ILDR2: variants seen among roughly 807,000 people sequenced by gnomAD.
ILDR2 encodes the protein immunoglobulin-like domain-containing receptor 2.
ILDR2 carries 25 observed loss-of-function variants against 66.8 expected under a neutral mutation model. The observed-to-expected ratio is 0.37, with a 90% CI of 0.27 to 0.52. The LOEUF is 0.52. ILDR2 is among the 20% of genes least tolerant of loss of function. The pLI, the probability that ILDR2 is intolerant of heterozygous loss-of-function variation, is 0.88. For missense variants in ILDR2, 827 were observed against 876.8 expected (o/e 0.94, Z 0.72); for synonymous variants, 367 against 357.2 (o/e 1.03, Z -0.31).
chr1:166,929,533 T>C (rs1289822325), intron 6 of ILDR2, among the ~76,000 whole-genome samples: 1 of 152,230 alleles, frequency 6.6e-6, no homozygotes. Context: ...TAAAAAATGT[T>C]CGTTGCATTG....
Position 166,936,540 on chromosome 1 carries a change from G to A in ILDR2, c.703+51C>T. ...AGCGCACACAGCTGTCAGGTAGAGAGGTAGACATTTCTCTCGATCGCTCTG... is the reference window on the plus strand; with the variant it reads ...AGCGCACACAGCTGTCAGGTAGAGAAGTAGACATTTCTCTCGATCGCTCTG... On this transcript the variant is annotated intron_variant, in intron 5 of 9. Coordinates refer to ENST00000271417, the MANE Select transcript of ILDR2 (RefSeq NM_199351.3). The surrounding 1 kb of genome is among the most constrained non-coding windows in gnomAD (Gnocchi z 5.0). 1 of 1,612,516 alleles carries A rather than the reference G, an allele frequency of 6.2e-7. No individual in the cohort carries two copies. Among genetic ancestry groups the A allele is most frequent in the Non-Finnish European group, 8.5e-7 (1 of 1,179,178 alleles).
At chr1:166,919,432 A>G in intron 9 of ILDR2, 42 bp from the exon 10 acceptor site, 2 of 1,575,278 alleles carry the variant, frequency 1.3e-6, no homozygotes, top group South Asian at 2.3e-5. Context: ...GCCACATGCT[A>G]GTTAAAGAAA....
chr1:166,970,914 T>A (rs1238175178), intron 1 of ILDR2, among the ~76,000 whole-genome samples: 1 of 152,138 alleles, frequency 6.6e-6, no homozygotes, highest in East Asian at 1.9e-4. Flanking sequence ...AATTGGAAGA[T>A]ATACAGGACA....
At chr1:166,938,530 T>G (rs1161823860) in intron 4 of ILDR2, among the ~76,000 whole-genome samples, 4 of 152,202 alleles carry the variant, frequency 2.6e-5, no homozygotes, top group African/African-American at 9.6e-5. Context: ...AGGCATACAT[T>G]TGTGTCCTTG....
At position 166,909,738 on chromosome 1, in the gene ILDR2, T is replaced by TAC. The variant is rs1463027192; in HGVS notation, c.*9616_*9617insGT. On this transcript the variant is annotated 3_prime_UTR_variant, in exon 10 of 10. Transcript: ENST00000271417. ...ATATATGTGTGTGTGTATACATACA[T>TAC]ATATATATATATATATATATAAATA... The TAC allele has an allele frequency of 4.7e-3, 346 of 72,850 alleles. 2 individuals are homozygous for TAC. Among genetic ancestry groups the TAC allele is most frequent in the South Asian group, 6.5e-3 (14 of 2,140 alleles). 4.5% of individuals were successfully genotyped at this position (72,850 alleles called of 1,614,324 possible). A position where few individuals can be genotyped will look rare whatever the true frequency, so the allele number is the denominator to read the frequency against.
chr1:166,975,332 T>A lies in ILDR2; in HGVS notation c.-64A>T. 1 of 1,485,276 alleles carries A rather than the reference T, an allele frequency of 6.7e-7. No individual in the cohort carries two copies. Among genetic ancestry groups the A allele is most frequent in the South Asian group, 1.2e-5 (1 of 84,130 alleles). 92.0% of individuals were successfully genotyped at this position (1,485,276 alleles called of 1,614,324 possible). On this transcript the variant is annotated 5_prime_UTR_variant, in exon 1 of 10. Coordinates refer to ENST00000271417, the MANE Select transcript of ILDR2 (RefSeq NM_199351.3). Reference sequence around the variant, plus strand: ...GTGGGAAATGGCTGGAACAGAAGGATCGCTGTCACCCCGCGGCAGCGGGCG... The same window carrying A: ...GTGGGAAATGGCTGGAACAGAAGGAACGCTGTCACCCCGCGGCAGCGGGCG...
At chr1:166,970,666 C>T (rs1052733745) in intron 1 of ILDR2, among the ~76,000 whole-genome samples, 1 of 152,146 alleles carries the variant, frequency 6.6e-6, no homozygotes, top group Non-Finnish European at 1.5e-5. Context: ...CACCGTAGTG[C>T]GAGTAGTGCA....
intron 1 of ILDR2, among the ~76,000 whole-genome samples, chr1:166,973,772 G>C (rs1663450876): frequency 6.6e-6 from 1 of 152,034 alleles, no homozygotes; most frequent in African/African-American, 2.4e-5. Context: ...CAGGGGAGCG[G>C]GGTGGCATGG....
At chr1:166,931,029 C>G (rs1003057410) in intron 6 of ILDR2, among the ~76,000 whole-genome samples, 5 of 152,204 alleles carry the variant, frequency 3.3e-5, no homozygotes, top group Non-Finnish European at 5.9e-5. Context: ...CAAGTTCAGT[C>G]TGGCCCAAGT....
rs1302168524 is a variant in ILDR2, at chr1:166,913,842, T to C, written c.*5513A>G. 1 of 152,134 alleles carries C rather than the reference T, an allele frequency of 6.6e-6. No individual in the cohort carries two copies. Among genetic ancestry groups the C allele is most frequent in the East Asian group, 1.9e-4 (1 of 5,182 alleles). The allele number at this position is 152,134 out of a possible 1,614,324, so 9.4% of individuals were successfully genotyped here. A position where few individuals can be genotyped will look rare whatever the true frequency, so the allele number is the denominator to read the frequency against. Reference sequence around the variant, plus strand: ...GATGAAAGTGAGGCTCTCAGCTGGGTTCAGTGGCTCATGTCTGTAATACCA... The same window carrying C: ...GATGAAAGTGAGGCTCTCAGCTGGGCTCAGTGGCTCATGTCTGTAATACCA... On this transcript the variant is annotated 3_prime_UTR_variant, in exon 10 of 10. Coordinates refer to ENST00000271417, the MANE Select transcript of ILDR2 (RefSeq NM_199351.3).
chr1:166,927,771 T>A (rs972299504), intron 6 of ILDR2, among the ~76,000 whole-genome samples: 1 of 152,240 alleles, frequency 6.6e-6, no homozygotes, highest in Non-Finnish European at 1.5e-5. Context: ...ATTCAAACTA[T>A]GTGGATTTTT....
At chr1:166,902,373 C>T (rs1206771435) in intron 2 of ILDR2, among the ~76,000 whole-genome samples, 1 of 152,234 alleles carries the variant, frequency 6.6e-6, no homozygotes, top group Non-Finnish European at 1.5e-5. Context: ...ATACTGCCCT[C>T]TATGCAACAG....
chr1:166,948,784 G>C (rs1222337146), intron 3 of ILDR2, among the ~76,000 whole-genome samples: 2 of 152,226 alleles, frequency 1.3e-5, no homozygotes, highest in Admixed American at 1.3e-4. Context: ...TCCAAATGTA[G>C]AATTCCCTAA....
rs1054296477 is a variant in ILDR2 at position 166,929,500 on chromosome 1, T to C, written c.881-2320A>G. ...CTGGATCTCCATGTGCCTAAAACCA[T>C]GCTTTACACATAGTGGGGAACTTAA... On this transcript the variant is annotated intron_variant, in intron 6 of 9. Coordinates refer to ENST00000271417, the MANE Select transcript of ILDR2 (RefSeq NM_199351.3). Among the ~76,000 whole-genome samples the C allele has an allele frequency of 2.0e-5, 3 of 152,326 alleles. No individual in the cohort carries two copies. The East Asian group carries it at 5.8e-4, about 29-fold the overall frequency.
In ILDR2 at chr1:166,965,582, G is replaced by GT. The variant is rs60596259; in HGVS notation, c.47-7482dup. The stretch of plus-strand genomic sequence containing the variant: ...CAAGTTAGGTTTTGTTTTTTTTTTT[G>GT]TTTTTTTTTTGACAGGGTCTCTCTC... On this transcript the variant is annotated intron_variant, in intron 1 of 9. Transcript: ENST00000271417. Among the ~76,000 whole-genome samples the GT allele has an allele frequency of 1.6e-3, 199 of 123,964 alleles. 6 individuals carry two copies. The South Asian group carries it at 0.03, about 19-fold the overall frequency. 81.3% of individuals were successfully genotyped at this position (123,964 alleles called of 152,430 possible). A position where few individuals can be genotyped will look rare whatever the true frequency, so the allele number is the denominator to read the frequency against.
rs1157261541 is a variant in ILDR2 at position 166,917,700 on chromosome 1, G to C, written c.*1655C>G. The C allele has an allele frequency of 6.6e-6, 1 of 152,244 alleles. No individual in the cohort carries two copies. Among genetic ancestry groups the C allele is most frequent in the Admixed American group, 6.5e-5 (1 of 15,274 alleles). 9.4% of individuals were successfully genotyped at this position (152,244 alleles called of 1,614,324 possible). On this transcript the variant is annotated 3_prime_UTR_variant, in exon 10 of 10. Transcript: ENST00000271417. ...GTTCTTAAAGAGAAATGAACATAAA[G>C]AATGCACCAACTTCTCACGCCTCGA...
intron 3 of ILDR2, among the ~76,000 whole-genome samples, chr1:166,948,603 T>C (rs1661779743): frequency 6.6e-6 from 1 of 152,088 alleles, no homozygotes; most frequent in African/African-American, 2.4e-5. Flanking sequence ...TCAAACCCAC[T>C]AGCAGGAAGA....
chr1:166,912,751 G>T lies in ILDR2; in HGVS notation c.*6604C>A, dbSNP rs995741221. The stretch of plus-strand genomic sequence containing the variant: ...TTTATCACTTCTTTTGCTAACAAAG[G>T]TTTTTAATTGCCTCCTCTTAATTAT... On this transcript the variant is annotated 3_prime_UTR_variant, in exon 10 of 10. Transcript: ENST00000271417. 1 of 152,184 alleles carries T rather than the reference G, an allele frequency of 6.6e-6. No homozygotes were observed. The highest frequency in any genetic ancestry group is 1.5e-5 in the Non-Finnish European group (1 of 68,026). 9.4% of individuals were successfully genotyped at this position (152,184 alleles called of 1,614,324 possible).
rs1659623854 is a variant in ILDR2 at position 166,915,868 on chromosome 1, A to T, written c.*3487T>A. On this transcript the variant is annotated 3_prime_UTR_variant, in exon 10 of 10. Transcript: ENST00000271417. ...TGAGGATCATGAGAAGGGGGATGTG[A>T]GGCCTAGCATCTCCGTGAGGCCTGC... is the stretch of plus-strand genomic sequence containing the variant. The T allele has an allele frequency of 6.6e-6, 1 of 152,212 alleles. No individual in the cohort carries two copies. Among genetic ancestry groups the T allele is most frequent in the African/African-American group, 2.4e-5 (1 of 41,434 alleles). The allele number at this position is 152,212 out of a possible 1,614,324, so 9.4% of individuals were successfully genotyped here.
Sources: gnomAD v4.1 joint callset for allele counts (sites outside exome capture counted in the v4.1 genomes callset) on GRCh38, gnomAD v4.1.1 for gene constraint, Gnocchi (gnomAD v3.1) non-coding constraint, MANE v1.5 for transcripts, NCBI Gene and HGNC (gene_info 2026-07-23, HGNC 2026-07-21) for gene names.